Variants in DIP2C observed in about 807,000 individuals in gnomAD.
DIP2C encodes disco-interacting protein 2 homolog C.
Under a neutral mutation model 192.4 loss-of-function variants are expected in DIP2C, and 33 were observed. The ratio of observed to expected loss-of-function variants is 0.17; its 90% CI spans 0.13 to 0.23. The LOEUF (loss-of-function observed/expected upper bound fraction) is 0.23, where lower values mean the gene tolerates loss of function less well. Among genes scored for constraint, DIP2C ranks in the 10% least tolerant of loss-of-function variants. DIP2C has a pLI of 1.00. For missense variants in DIP2C, 1,537 were observed against 2,110.1 expected (o/e 0.73, Z 5.32); for synonymous variants, 979 against 864.1 (o/e 1.13, Z -2.33).
chr10:679,620 C>CCCCACA, intron 1 of DIP2C, among the ~76,000 whole-genome samples: 5 of 141,164 alleles, frequency 3.5e-5, no homozygotes, highest in African/African-American at 1.1e-4. Flanking sequence ...CATCTGTGCT[C>CCCCACA]CCTATGCCCA....
intron 1 of DIP2C, among the ~76,000 whole-genome samples, chr10:618,707 T>C (rs1853638802): frequency 6.6e-6 from 1 of 152,216 alleles, no homozygotes; most frequent in African/African-American, 2.4e-5. Flanking sequence ...AATAATTATT[T>C]GGGAACAGAG....
intron 26 of DIP2C, among the ~76,000 whole-genome samples, chr10:347,461 T>C (rs1446699435): frequency 4.1e-5 from 5 of 121,390 alleles, no homozygotes; most frequent in Admixed American, 8.7e-5. Flanking sequence ...ACATCGCGCA[T>C]AGTTCTCCCG....
intron 3 of DIP2C, among the ~76,000 whole-genome samples, chr10:448,224 A>C (rs1416560079): frequency 1.1e-5 from 1 of 87,362 alleles, no homozygotes; most frequent in Non-Finnish European, 2.0e-5. Context: ...CATTCCCGTC[A>C]ATAATCAGGA....
intron 3 of DIP2C, among the ~76,000 whole-genome samples, chr10:458,519 G>A (rs1969489015): frequency 6.6e-6 from 1 of 151,086 alleles, no homozygotes; most frequent in Admixed American, 6.6e-5. Context: ...TGACGGCAAG[G>A]ATGCCCTCTA....
intron 17 of DIP2C, among the ~76,000 whole-genome samples, chr10:378,502 C>T (rs1961915733): frequency 1.3e-5 from 2 of 151,658 alleles, no homozygotes; most frequent in Non-Finnish European, 2.9e-5. Flanking sequence ...CACAGACATG[C>T]ATAAAGACAC....
At chr10:681,728 T>C (rs1302582448) in intron 1 of DIP2C, among the ~76,000 whole-genome samples, 1 of 152,250 alleles carries the variant, frequency 6.6e-6, no homozygotes, top group African/African-American at 2.4e-5. Flanking sequence ...TAAAGTGTTA[T>C]TTGTTTTATG....
At chr10:557,888 G>A (rs185342947) in intron 1 of DIP2C, among the ~76,000 whole-genome samples, 126 of 119,594 alleles carry the variant, frequency 1.1e-3, no homozygotes, top group African/African-American at 3.7e-3. Flanking sequence ...CAGGGGGAGG[G>A]GGCAGGGGCA....
At position 402,634 on chromosome 10, in the gene DIP2C, T is replaced by C. The variant is rs571245956; in HGVS notation, c.1150-3415A>G. On this transcript the variant is annotated intron_variant, in intron 9 of 36. Transcript: ENST00000280886. ...TTTCATCAGCACATGAATCCTATGA[T>C]TTTACATGAGTGGTAGCATTAGCAT... 3.9e-3 allele frequency among the ~76,000 whole-genome samples: 70 copies of C among 17,970 alleles called. 22 individuals carry two copies. Among genetic ancestry groups the C allele is most frequent in the Admixed American group, 6.1e-3 (5 of 816 alleles). 11.8% of individuals were successfully genotyped at this position (17,970 alleles called of 152,430 possible). A position where few individuals can be genotyped will look rare whatever the true frequency, so the allele number is the denominator to read the frequency against.
Position 676,555 on chromosome 10 carries a change from A to G in DIP2C, c.85+12939T>C, listed in dbSNP as rs554493031. ...TCTCTTTGAACTGATAAACAAATTC[A>G]GTAAACTTACAGAATACAAAATGAA... is the stretch of plus-strand genomic sequence containing the variant. On this transcript the variant is annotated intron_variant, in intron 1 of 36. Transcript: ENST00000280886. 2.1e-3 allele frequency among the ~76,000 whole-genome samples: 325 copies of G among 152,290 alleles called. 1 individual carries two copies. The highest frequency in any genetic ancestry group is 6.8e-3 in the Middle Eastern group (2 of 294).
intron 1 of DIP2C, among the ~76,000 whole-genome samples, chr10:603,298 C>CAAAAAAAAAAAAAAAAAAA (rs71376842): frequency 6.5e-5 from 3 of 45,882 alleles, no homozygotes; most frequent in African/African-American, 2.5e-4. Context: ...GACTCCATCT[C>CAAAAAAAAAAAAAAAAAAA]AAAAAAAAAA....
At chr10:556,722 T>TCA (rs1848894243) in intron 1 of DIP2C, among the ~76,000 whole-genome samples, 2 of 152,170 alleles carry the variant, frequency 1.3e-5, no homozygotes, top group Middle Eastern at 3.4e-3. Context: ...AGCCCCAGAC[T>TCA]CACCCCCAAC....
At chr10:465,267 A>G (rs1970112004) in intron 3 of DIP2C, among the ~76,000 whole-genome samples, 1 of 145,928 alleles carries the variant, frequency 6.9e-6, no homozygotes, top group Non-Finnish European at 1.5e-5. Context: ...CAGCATATAA[A>G]CAGAGCCAAA....
chr10:467,608 A>C (rs975677254), intron 3 of DIP2C, among the ~76,000 whole-genome samples: 8 of 151,134 alleles, frequency 5.3e-5, no homozygotes, highest in Admixed American at 2.0e-4. Flanking sequence ...TATACCATGG[A>C]ATAGTATGCA....
At chr10:421,349 T>TA (rs1197132126) in intron 5 of DIP2C, among the ~76,000 whole-genome samples, 1 of 152,178 alleles carries the variant, frequency 6.6e-6, no homozygotes, top group East Asian at 1.9e-4. Flanking sequence ...AAATATGTGT[T>TA]TTCCTTGGTA....
At position 619,112 on chromosome 10, in the gene DIP2C, C is replaced by T. The variant is rs575481001; in HGVS notation, c.85+70382G>A. ...ACCTTCAGTTATGTGAGGAAAGGCA[C>T]GGTGAGCCCCCTTCCTTCAGTAAAA... On this transcript the variant is annotated intron_variant, in intron 1 of 36. Transcript: ENST00000280886. Among the ~76,000 whole-genome samples the T allele has an allele frequency of 2.6e-5, 4 of 152,186 alleles. No individual in the cohort carries two copies. The South Asian group carries it at 6.2e-4, about 24-fold the overall frequency.
At chr10:654,298 T>C (rs772016271) in intron 1 of DIP2C, among the ~76,000 whole-genome samples, 1 of 152,218 alleles carries the variant, frequency 6.6e-6, no homozygotes, top group African/African-American at 2.4e-5. Flanking sequence ...GATGAAAGAA[T>C]GGGACAAAAG....
chr10:350,059 G>GAT (rs747398988), intron 24 of DIP2C, among the ~76,000 whole-genome samples: 4 of 152,190 alleles, frequency 2.6e-5, no homozygotes, highest in Non-Finnish European at 4.4e-5. Context: ...TGAGTTGCAA[G>GAT]ATATATACCA....
At chr10:593,640 G>A (rs1397540183) in intron 1 of DIP2C, among the ~76,000 whole-genome samples, 1 of 152,026 alleles carries the variant, frequency 6.6e-6, no homozygotes, top group Non-Finnish European at 1.5e-5. Flanking sequence ...ACATATCCTA[G>A]CTGTGCCTGG....
At chr10:448,635 TCA>T (rs1968546880) in intron 3 of DIP2C, among the ~76,000 whole-genome samples, 1 of 112,362 alleles carries the variant, frequency 8.9e-6, no homozygotes, top group Non-Finnish European at 1.6e-5. Flanking sequence ...ATACTCAGGA[TCA>T]CACACAGTGG....
Sources: allele counts gnomAD v4.1 joint callset (sites outside exome capture counted in the v4.1 genomes callset), GRCh38; gene constraint gnomAD v4.1.1; transcripts MANE v1.5; gene names NCBI Gene and HGNC (gene_info 2026-07-23, HGNC 2026-07-21).